MATR3: variants seen among roughly 807,000 people sequenced by gnomAD.
MATR3 encodes the protein matrin-3.
Under a neutral mutation model 85.5 loss-of-function variants are expected in MATR3, and 4 were observed. The ratio of observed to expected loss-of-function variants is 0.05; its 90% CI spans 0.02 to 0.11. The LOEUF (loss-of-function observed/expected upper bound fraction) is 0.11, where lower values mean the gene tolerates loss of function less well. MATR3 is among the 10% of genes least tolerant of loss of function. The pLI, the probability that MATR3 is intolerant of heterozygous loss-of-function variation, is 1.00. For synonymous variants in MATR3, 336 were observed against 343.1 expected, an observed-to-expected ratio of 0.98 and a Z score of 0.23; for missense variants, 685 against 1,016.1, an observed-to-expected ratio of 0.67 and a Z score of 4.43.
At chr5:139,298,270 T>C (rs1754262890) in intron 1 of MATR3, among the ~76,000 whole-genome samples, 1 of 152,136 alleles carries the variant, frequency 6.6e-6, no homozygotes, top group Admixed American at 6.5e-5. Context: ...AAGAATAATG[T>C]CAAAGAAATA....
upstream of MATR3, chr5:139,292,052 C>T (rs2151909415): frequency 6.6e-6 from 1 of 150,726 alleles, no homozygotes; most frequent in African/African-American, 2.5e-5. Context: ...TCAAACGATC[C>T]TCAGCCCCGT....
chr5:139,309,264 A>G (rs1421462243), intron 2 of MATR3, among the ~76,000 whole-genome samples: 5 of 152,140 alleles, frequency 3.3e-5, no homozygotes. Flanking sequence ...TCATTGTTAT[A>G]GCACCCCACT....
chr5:139,299,967 T>G (rs1308046204), intron 1 of MATR3: 9 of 152,204 alleles, frequency 5.9e-5, no homozygotes, highest in African/African-American at 1.7e-4. Flanking sequence ...GGGTGAAGGG[T>G]GATTTAAACA....
chr5:139,294,130 T>C (rs1433308332), intron 1 of MATR3: 3 of 1,128,878 alleles, frequency 2.7e-6, no homozygotes, highest in Admixed American at 8.3e-5. Flanking sequence ...TTCCTGCGCG[T>C]CCTGGGCTCG....
intron 1 of MATR3, among the ~76,000 whole-genome samples, chr5:139,301,044 G>A (rs1364925493): frequency 1.3e-5 from 2 of 152,062 alleles, no homozygotes; most frequent in Non-Finnish European, 1.5e-5. Context: ...CGAACTTGTG[G>A]CCTTAAGTGA....
rs1411893042 is a variant in MATR3, at chr5:139,319,518, A to G, written c.1602+17A>G. 2 of 1,591,474 alleles carry G rather than the reference A, an allele frequency of 1.3e-6. No homozygotes were observed. The highest frequency in any genetic ancestry group is 1.7e-6 in the Non-Finnish European group (2 of 1,161,216). The stretch of plus-strand genomic sequence containing the variant: ...AAAAGTCAGGTAATATACATAAGGA[A>G]GTTTTAGAGAAGATAATTTATTAAA... On this transcript the variant is annotated intron_variant, in intron 9 of 14. Transcript: ENST00000394805.
In MATR3 at chr5:139,319,386, G is replaced by A. The variant is rs368389424; in HGVS notation, c.1487G>A (p.Arg496His). The A allele has an allele frequency of 1.9e-6, 3 of 1,614,040 alleles. No individual in the cohort carries two copies. Among genetic ancestry groups the A allele is most frequent in the African/African-American group, 1.3e-5 (1 of 74,924 alleles). Residue 496 changes from arginine (R) to histidine (H), a missense_variant, in exon 9 of 15, where the codon CGT becomes CAT. Physicochemically the swap from Arg to His is conservative, Grantham distance 29. This residue lies in a region of MATR3 where 30 missense variants were observed against 23.9 expected (regional missense o/e 1.25). Coordinates refer to ENST00000394805, the MANE Select transcript of MATR3 (RefSeq NM_018834.6). Reference protein sequence around the residue: ...QKFDQKQELGRVIHLSNLPHS... With the variant: ...QKFDQKQELGHVIHLSNLPHS... ...TTTGATCAAAAGCAAGAGCTTGGAC[G>A]TGTGATACATCTCAGCAATTTGCCG...
At chr5:139,326,776 T>C (rs1340853458) in intron 14 of MATR3, among the ~76,000 whole-genome samples, 3 of 152,182 alleles carry the variant, frequency 2.0e-5, no homozygotes, top group Non-Finnish European at 4.4e-5. Context: ...CCTCTTGTCA[T>C]AGTTTACCCT....
rs746537742 is a variant in MATR3, at chr5:139,329,333, C to T, written c.2494-12C>T. The T allele has an allele frequency of 1.9e-6, 3 of 1,605,498 alleles. No homozygotes were observed. The highest frequency in any genetic ancestry group is 1.3e-5 in the African/African-American group (1 of 74,844). On this transcript the variant is annotated splice_polypyrimidine_tract_variant and intron_variant, in intron 14 of 14. Transcript: ENST00000394805. ...TAGGTGACTTAATGGCTGTAATTCT[C>T]TTTCTTTATAGAAATTTCTGAATAA...
intron 14 of MATR3, among the ~76,000 whole-genome samples, chr5:139,328,856 T>G (rs1755987085): frequency 1.4e-4 from 22 of 152,056 alleles, no homozygotes. Context: ...TACAAAAAAA[T>G]TAACTGGGCT....
chr5:139,314,655 A>G lies in MATR3; in HGVS notation c.913-20A>G, dbSNP rs776963946. The G allele has an allele frequency of 3.1e-6, 5 of 1,607,962 alleles. No individual in the cohort carries two copies. The highest frequency in any genetic ancestry group is 2.2e-5 in the South Asian group (2 of 90,934). On this transcript the variant is annotated intron_variant, in intron 2 of 14. Coordinates refer to ENST00000394805, the MANE Select transcript of MATR3 (RefSeq NM_018834.6). The stretch of plus-strand genomic sequence containing the variant: ...TTTCAGCTTTATTTTTGTTAATTCT[A>G]CTAATTTACTTTGCTGCAGGAGTGG...
Position 139,330,517 on chromosome 5 carries a change from GAGTGAAT to G in MATR3, c.*1123_*1129del. 2.2e-6 allele frequency: 1 copy of G among 454,092 alleles called. No homozygotes were observed. Among genetic ancestry groups the G allele is most frequent in the Non-Finnish European group, 4.4e-6 (1 of 226,794 alleles). 28.1% of individuals were successfully genotyped at this position (454,092 alleles called of 1,614,324 possible). A position where few individuals can be genotyped will look rare whatever the true frequency, so the allele number is the denominator to read the frequency against. ...TAACAATTTATTACTTTTAAATCTAGAGTGAATTCTAAAGACTGCCGCTAAAGATCTG... is the reference window on the plus strand; with the variant it reads ...TAACAATTTATTACTTTTAAATCTAGTCTAAAGACTGCCGCTAAAGATCTG... On this transcript the variant is annotated 3_prime_UTR_variant, in exon 15 of 15. Transcript: ENST00000394805.
In MATR3 at chr5:139,307,004, C is replaced by T. The variant is rs1364683347; in HGVS notation, c.-177-235C>T. Reference sequence around the variant, plus strand: ...CTTTCAATTTACATGTTTTTAAACTCAGTATGAAAGTCCCTTTAATAGTTA... The same window carrying T: ...CTTTCAATTTACATGTTTTTAAACTTAGTATGAAAGTCCCTTTAATAGTTA... On this transcript the variant is annotated intron_variant, in intron 1 of 14. Transcript: ENST00000394805. The surrounding 1 kb of genome is among the most constrained non-coding windows in gnomAD (Gnocchi z 4.4). Among the ~76,000 whole-genome samples, 1 of 152,096 alleles carries T rather than the reference C, an allele frequency of 6.6e-6. No individual in the cohort carries two copies. The highest frequency in any genetic ancestry group is 6.6e-5 in the Admixed American group (1 of 15,262).
At chr5:139,308,407 A>T in intron 2 of MATR3, 80 bp downstream of exon 2, 1 of 1,517,110 alleles carries the variant, frequency 6.6e-7, no homozygotes, top group East Asian at 2.3e-5. Context: ...CTAATTCTGT[A>T]GTCTGATGAC....
chr5:139,313,566 T>C (rs1755101721), intron 2 of MATR3: 1 of 152,200 alleles, frequency 6.6e-6, no homozygotes, highest in Non-Finnish European at 1.5e-5. Context: ...AGTTAACTCA[T>C]TTATATCTGC....
intron 1 of MATR3, among the ~76,000 whole-genome samples, chr5:139,295,905 C>T (rs1007378724): frequency 1.3e-5 from 2 of 151,920 alleles, no homozygotes; most frequent in Non-Finnish European, 2.9e-5. Context: ...CTCACAGCAG[C>T]CTCGACCTCC....
rs182935859 is a variant in MATR3, at chr5:139,319,908, A to G, written c.1602+407A>G. 6.9e-3 allele frequency among the ~76,000 whole-genome samples: 415 copies of G among 59,722 alleles called. 4 individuals carry two copies. Among genetic ancestry groups the G allele is most frequent in the Middle Eastern group, 0.033 (2 of 60 alleles). The allele number at this position is 59,722 out of a possible 152,430, so 39.2% of individuals were successfully genotyped here. On this transcript the variant is annotated intron_variant, in intron 9 of 14. Transcript: ENST00000394805. ...TTTTTTAAAGTATATCCCTATTTTT[A>G]GTGATGAAATCTGGAGGACTAGTTG...
chr5:139,307,183 A>G lies in MATR3; in HGVS notation c.-177-56A>G. On this transcript the variant is annotated intron_variant, in intron 1 of 14. Transcript: ENST00000394805. This position sits in a 1 kb window ranked among gnomAD's most constrained non-coding sequence, Gnocchi z 4.4. ...ATGATGCATAAGTTTTTTTTTCTTA[A>G]AAAAACGGCATCTGCTTAAAGGGAT... 1.7e-5 allele frequency: 20 copies of G among 1,192,590 alleles called. No homozygotes were observed. Among genetic ancestry groups the G allele is most frequent in the Non-Finnish European group, 2.1e-5 (20 of 962,694 alleles). 73.9% of individuals were successfully genotyped at this position (1,192,590 alleles called of 1,614,324 possible). A position where few individuals can be genotyped will look rare whatever the true frequency, so the allele number is the denominator to read the frequency against.
At chr5:139,326,001 T>G (rs1299152726) in intron 13 of MATR3, among the ~76,000 whole-genome samples, 162 bp from the exon 14 acceptor site, 1 of 152,224 alleles carries the variant, frequency 6.6e-6, no homozygotes, top group Non-Finnish European at 1.5e-5. Flanking sequence ...AAACATCAAT[T>G]AGGTAAAAGC....
Sources: allele counts gnomAD v4.1 joint callset (sites outside exome capture counted in the v4.1 genomes callset), GRCh38; gene constraint gnomAD v4.1.1; regional missense constraint gnomAD v4.1.1; non-coding constraint Gnocchi (gnomAD v3.1); transcripts MANE v1.5; gene names NCBI Gene and HGNC (gene_info 2026-07-23, HGNC 2026-07-21).